The following SLC4A7 variants were observed in gnomAD, a reference collection of about 807,000 sequenced individuals.
SLC4A7 encodes the protein sodium bicarbonate cotransporter 3.
Under a neutral mutation model 137.6 loss-of-function variants are expected in SLC4A7, and 51 were observed. That is an observed-to-expected ratio of 0.37 (90% CI 0.30 to 0.47). The LOEUF (loss-of-function observed/expected upper bound fraction) is 0.47. Ranked by LOEUF, SLC4A7 falls within the 20% of genes least tolerant of loss-of-function variation. The probability of loss-of-function intolerance (pLI) is 1.00; values close to 1 mark genes in which losing one functional copy is unlikely to be tolerated. For synonymous variants in SLC4A7, 542 were observed against 518.6 expected (o/e 1.05, Z -0.61); for missense variants, 1,247 against 1,525.4 (o/e 0.82, Z 3.04).
chr3:27,397,755 C>T lies in SLC4A7; in HGVS notation c.2632G>A (p.Val878Ile). ...AGGTAGTCAATTGTAACCATTATTA[C>T]TATTGTGAGAAATACAGCAAAATCA... ...ISDFAVFLTIVIMVTIDYLVG... is the reference protein window; with the variant it reads ...ISDFAVFLTIIIMVTIDYLVG... The change falls in exon 18 of 26, where the codon GTA becomes ATA. Residue 878 changes from valine (V) to isoleucine (I), a missense_variant. Val to Ile is a conservative substitution (Grantham distance 29). This residue lies in a region of SLC4A7 where 499 missense variants were observed against 664.2 expected (regional missense o/e 0.75). Transcript: ENST00000454389. 3.1e-6 allele frequency: 5 copies of T among 1,609,304 alleles called. No homozygotes were observed. The highest frequency in any genetic ancestry group is 4.2e-6 in the Non-Finnish European group (5 of 1,177,192).
chr3:27,468,123 T>G (rs930420078), intron 1 of SLC4A7, among the ~76,000 whole-genome samples: 2 of 152,176 alleles, frequency 1.3e-5, no homozygotes, highest in Non-Finnish European at 2.9e-5. Flanking sequence ...GAGATGACGT[T>G]TCACCATGTT....
intron 11 of SLC4A7, 148 bp downstream of exon 11, chr3:27,418,338 C>T (rs1418239227): frequency 2.2e-5 from 13 of 586,712 alleles, no homozygotes; most frequent in Non-Finnish European, 3.6e-5. Context: ...AAAAATGGTC[C>T]ACCCACAGGA....
chr3:27,428,540 A>C (rs2055899054), intron 7 of SLC4A7, among the ~76,000 whole-genome samples: 1 of 152,202 alleles, frequency 6.6e-6, no homozygotes, highest in Non-Finnish European at 1.5e-5. Context: ...GCTAAATGTA[A>C]CTGGTGTGTT....
chr3:27,420,376 A>T (rs1354495724), intron 10 of SLC4A7, among the ~76,000 whole-genome samples: 1 of 152,056 alleles, frequency 6.6e-6, no homozygotes, highest in East Asian at 1.9e-4. Flanking sequence ...AGGAAAAAAA[A>T]TGTTCTGAGG....
chr3:27,478,430 A>G (rs543803026), intron 1 of SLC4A7, among the ~76,000 whole-genome samples: 1 of 150,420 alleles, frequency 6.6e-6, no homozygotes, highest in South Asian at 2.1e-4. Flanking sequence ...AGGCAGGAGA[A>G]TCGCTTGAAC....
chr3:27,413,343 A>G (rs550230031), intron 11 of SLC4A7, among the ~76,000 whole-genome samples: 19 of 152,358 alleles, frequency 1.2e-4, no homozygotes, highest in African/African-American at 4.3e-4. Context: ...GAATTCTTCC[A>G]AACTTTTAAA....
chr3:27,381,400 C>A (rs2050400329), intron 24 of SLC4A7, among the ~76,000 whole-genome samples: 5 of 152,126 alleles, frequency 3.3e-5, no homozygotes, highest in Admixed American at 3.3e-4. Flanking sequence ...ATCAATGAAG[C>A]TAATATATTA....
At chr3:27,386,330 CAATT>C (rs72375069) in intron 22 of SLC4A7, among the ~76,000 whole-genome samples, 43,539 of 151,428 alleles carry the variant, frequency 0.29, 7,900 homozygotes, top group East Asian at 0.74. Context: ...AAGCAAAAAA[CAATT>C]AATTTTTAAG....
chr3:27,458,500 A>G (rs553812473), intron 1 of SLC4A7, among the ~76,000 whole-genome samples: 3 of 152,358 alleles, frequency 2.0e-5, no homozygotes, highest in South Asian at 2.1e-4. Flanking sequence ...AGAAATCCCA[A>G]TAACACCAAC....
At chr3:27,398,929 C>G (rs978539525) in intron 16 of SLC4A7, among the ~76,000 whole-genome samples, 1 of 151,210 alleles carries the variant, frequency 6.6e-6, no homozygotes, top group Non-Finnish European at 1.5e-5. Context: ...AAAATATTTC[C>G]ATTAATAAAA....
intron 1 of SLC4A7, 38 bp downstream of exon 1, chr3:27,484,029 C>T (rs1330794966): frequency 7.3e-7 from 1 of 1,366,452 alleles, no homozygotes; most frequent in Non-Finnish European, 9.5e-7. Flanking sequence ...CCCGCGCCCT[C>T]CCCCTGCGGA....
At chr3:27,478,833 C>CA (rs558381804) in intron 1 of SLC4A7, among the ~76,000 whole-genome samples, 18,289 of 84,874 alleles carry the variant, frequency 0.22, 1,254 homozygotes, top group Middle Eastern at 0.28. Context: ...ACTAAAAATA[C>CA]AAAAAAAAAA....
At position 27,394,562 on chromosome 3, in the gene SLC4A7, A is replaced by C; in HGVS notation, c.3073T>G (p.Phe1025Val). The change falls in exon 20 of 26, where the codon TTT (phenylalanine) becomes GTT (valine). Residue 1025 changes from phenylalanine (F) to valine (V), a missense_variant. Physicochemically the swap from Phe to Val is conservative, Grantham distance 50 (BLOSUM62 -1). This residue lies in a region of SLC4A7 where 290 missense variants were observed against 323.8 expected (regional missense o/e 0.90). Transcript: ENST00000454389. ...REQRVTGLMI[F>V]ILMGLSVFMT... is the part of the protein sequence containing the mutation. ...AACACAGAGAGGCCCATTAGAATAA[A>C]AATCATTAGCCCTGTAACCCGCTGT... is the stretch of plus-strand genomic sequence containing the variant. The C allele has an allele frequency of 6.2e-7, 1 of 1,614,198 alleles. No individual in the cohort carries two copies. Among genetic ancestry groups the C allele is most frequent in the Non-Finnish European group, 8.5e-7 (1 of 1,180,008 alleles).
chr3:27,391,830 T>G, intron 20 of SLC4A7, 22 bp from the exon 21 acceptor site: 1 of 1,420,502 alleles, frequency 7.0e-7, no homozygotes, highest in South Asian at 1.2e-5. Flanking sequence ...ATGAACACAA[T>G]TAGAACTCAT....
chr3:27,425,375 A>G (rs1210193308), intron 7 of SLC4A7, among the ~76,000 whole-genome samples: 3 of 137,354 alleles, frequency 2.2e-5, no homozygotes, highest in Non-Finnish European at 4.6e-5. Flanking sequence ...CGTCCTAAAA[A>G]AAAAAAAAAA....
At position 27,421,688 on chromosome 3, in the gene SLC4A7, A is replaced by G. The variant is rs1213877388; in HGVS notation, c.1358T>C (p.Ile453Thr). The G allele has an allele frequency of 1.2e-6, 2 of 1,613,878 alleles. No homozygotes were observed. The highest frequency in any genetic ancestry group is 1.7e-6 in the Non-Finnish European group (2 of 1,179,946). Residue 453 changes from isoleucine (I) to threonine (T), a missense_variant, in exon 9 of 26, where the codon ATT becomes ACT. This residue lies in a region of SLC4A7 where 499 missense variants were observed against 664.2 expected (regional missense o/e 0.75). Transcript: ENST00000454389. ...AGCAGGAGCCAGTCTCACAAATGCA[A>G]TTATTGGCCTTTCCAAAAAGTCTAC... ...GEVDFLERPI[I>T]AFVRLAPAVL...
chr3:27,478,833 CA>C (rs558381804), intron 1 of SLC4A7, among the ~76,000 whole-genome samples: 2,442 of 84,934 alleles, frequency 0.029, 36 homozygotes, highest in Non-Finnish European at 0.038. Context: ...ACTAAAAATA[CA>C]AAAAAAAAAA....
rs547280329 is a variant in SLC4A7 at position 27,426,732 on chromosome 3, T to C, written c.1151-2580A>G. 2.6e-4 allele frequency among the ~76,000 whole-genome samples: 40 copies of C among 152,312 alleles called. No individual in the cohort carries two copies. In the Middle Eastern group the frequency reaches 0.014, roughly 52 times the overall value. The stretch of plus-strand genomic sequence containing the variant: ...TGGTCATCTTGAAAACCTGTCCCTT[T>C]TTCAAAACTGGCACACTGGATGCAT... On this transcript the variant is annotated intron_variant, in intron 7 of 25. Transcript: ENST00000454389.
chr3:27,474,786 G>A (rs761101708), intron 1 of SLC4A7, among the ~76,000 whole-genome samples: 1 of 152,122 alleles, frequency 6.6e-6, no homozygotes, highest in Non-Finnish European at 1.5e-5. Context: ...AAACAATTTT[G>A]TCAACACATC....
Sources: gnomAD v4.1 joint callset for allele counts (sites outside exome capture counted in the v4.1 genomes callset) on GRCh38, gnomAD v4.1.1 for gene constraint, gnomAD v4.1.1 regional missense constraint, MANE v1.5 for transcripts, NCBI Gene and HGNC (gene_info 2026-07-23, HGNC 2026-07-21) for gene names.